Variants in PRELID2 observed in about 807,000 individuals in gnomAD.
PRELID2 encodes PRELI domain-containing protein 2.
PRELID2 carries 25 observed loss-of-function variants against 28.4 expected under a neutral mutation model. That is an observed-to-expected ratio of 0.88 (90% confidence interval 0.64 to 1.23). PRELID2 has a LOEUF of 1.23. Among genes scored for constraint, PRELID2 ranks in the 50% most tolerant of loss-of-function variants. PRELID2 has a pLI of 0.00. For synonymous variants in PRELID2, 76 were observed against 71.6 expected (o/e 1.06, Z -0.31); for missense variants, 201 against 214.4 (o/e 0.94, Z 0.39).
chr5:145,599,493 G>C (rs1253163425), intron 1 of PRELID2, among the ~76,000 whole-genome samples: 1 of 151,982 alleles, frequency 6.6e-6, no homozygotes, highest in Non-Finnish European at 1.5e-5. Context: ...TCCTATCTCG[G>C]CCAATAGCCA....
At chr5:145,510,786 C>G (rs189753257) in intron 1 of PRELID2, among the ~76,000 whole-genome samples, 42 of 152,336 alleles carry the variant, frequency 2.8e-4, no homozygotes, top group Non-Finnish European at 5.0e-4. Context: ...TAAGGAAACT[C>G]TGGGTGTCCT....
At chr5:145,521,107 T>G (rs1408761011) in intron 1 of PRELID2, among the ~76,000 whole-genome samples, 1 of 152,038 alleles carries the variant, frequency 6.6e-6, no homozygotes, top group Admixed American at 6.6e-5. Flanking sequence ...TTCACAGAAA[T>G]TAAAGATGAG....
intron 1 of PRELID2, among the ~76,000 whole-genome samples, chr5:145,508,539 T>C (rs1238228079): frequency 1.3e-5 from 2 of 151,836 alleles, no homozygotes; most frequent in Non-Finnish European, 2.9e-5. Flanking sequence ...TTAAAGTTAG[T>C]ATATTTTATT....
At position 145,684,051 on chromosome 5, in the gene PRELID2, G is replaced by T. The variant is rs113917007; in HGVS notation, n.70+80880C>A. Among the ~76,000 whole-genome samples the T allele has an allele frequency of 1.0e-3, 156 of 152,252 alleles. 2 individuals are homozygous for T. The highest frequency in any genetic ancestry group is 3.7e-3 in the African/African-American group (154 of 41,552). On this transcript the variant is annotated intron_variant and non_coding_transcript_variant, in intron 1 of 2. Transcript: ENST00000510259. ...TAACTTCTACATCCTGCCATGCCTG[G>T]AACCGGACAAATACAGAGATGCTTT...
At chr5:145,754,032 CTG>C (rs1033455173), downstream of PRELID2, 6 of 152,290 alleles carry the variant, frequency 3.9e-5, no homozygotes, top group African/African-American at 1.4e-4. Context: ...CAGGGAAACA[CTG>C]TGCTGATACT....
intron 1 of PRELID2, among the ~76,000 whole-genome samples, chr5:145,569,233 T>C (rs527495197): frequency 6.6e-6 from 1 of 152,332 alleles, no homozygotes; most frequent in African/African-American, 2.4e-5. Context: ...AATGTTCATC[T>C]CATTCTTACA....
chr5:145,524,026 AT>A (rs200279566), intron 1 of PRELID2, among the ~76,000 whole-genome samples: 1 of 152,026 alleles, frequency 6.6e-6, no homozygotes, highest in South Asian at 2.1e-4. Flanking sequence ...TTCTCAAAGG[AT>A]TTTTTTGTTT....
chr5:145,408,524 T>C, the PRELID2 span, among the ~76,000 whole-genome samples: 1 of 149,102 alleles, frequency 6.7e-6, no homozygotes, highest in African/African-American at 2.4e-5. Flanking sequence ...AATAGATATA[T>C]TAAAGAAAAG....
intron 1 of PRELID2, among the ~76,000 whole-genome samples, chr5:145,682,870 C>A (rs577267837): frequency 3.3e-5 from 5 of 152,270 alleles, no homozygotes; most frequent in Non-Finnish European, 7.4e-5. Flanking sequence ...AATCAAGAAG[C>A]TTTTCAACAC....
chr5:145,745,011 A>T (rs1412141479), intron 1 of PRELID2, among the ~76,000 whole-genome samples: 1 of 152,058 alleles, frequency 6.6e-6, no homozygotes, highest in African/African-American at 2.4e-5. Flanking sequence ...TTTAGAAAGG[A>T]ACATAAATGA....
chr5:145,407,241 C>T, the PRELID2 span, among the ~76,000 whole-genome samples: 1 of 152,162 alleles, frequency 6.6e-6, no homozygotes, highest in South Asian at 2.1e-4. Context: ...TGTGCATCAG[C>T]TCTCTGGATA....
chr5:145,251,587 T>A, the PRELID2 span, among the ~76,000 whole-genome samples: 5 of 152,252 alleles, frequency 3.3e-5, 1 homozygote, highest in African/African-American at 1.2e-4. Context: ...CAAGCACAGC[T>A]GTAACATCTC....
chr5:145,477,979 G>T lies in PRELID2; in HGVS notation n.71-4664C>A, dbSNP rs570348553. 3.9e-5 allele frequency among the ~76,000 whole-genome samples: 6 copies of T among 152,226 alleles called. No individual in the cohort carries two copies. In the East Asian group the frequency reaches 1.2e-3, roughly 29 times the overall value. Reference sequence around the variant, plus strand: ...CTATTTCTTACCACTCCTACATTAAGATAGGCTAGTGGTTCACTGAATTTT... The same window carrying T: ...CTATTTCTTACCACTCCTACATTAATATAGGCTAGTGGTTCACTGAATTTT... On this transcript the variant is annotated intron_variant and non_coding_transcript_variant, in intron 1 of 2. Transcript: ENST00000510259.
the PRELID2 span, among the ~76,000 whole-genome samples, chr5:145,311,789 C>G: frequency 1.3e-5 from 2 of 152,202 alleles, no homozygotes; most frequent in African/African-American, 4.8e-5. Context: ...CATGCCTGCC[C>G]TCTAGAAGCT....
the PRELID2 span, among the ~76,000 whole-genome samples, chr5:145,384,432 A>G: frequency 6.6e-6 from 1 of 152,250 alleles, no homozygotes; most frequent in Non-Finnish European, 1.5e-5. Flanking sequence ...AACATAAATG[A>G]ATGATATATA....
At chr5:145,668,875 T>C (rs565969697) in intron 1 of PRELID2, among the ~76,000 whole-genome samples, 325 of 152,278 alleles carry the variant, frequency 2.1e-3, no homozygotes, top group Non-Finnish European at 3.8e-3. Flanking sequence ...TGGAGATGAT[T>C]GATTTGCTTG....
chr5:145,488,619 C>G (rs1183486547), intron 1 of PRELID2, among the ~76,000 whole-genome samples: 1 of 152,160 alleles, frequency 6.6e-6, no homozygotes, highest in Non-Finnish European at 1.5e-5. Context: ...AATAAATTTA[C>G]AATTTGTCCA....
intron 1 of PRELID2, among the ~76,000 whole-genome samples, chr5:145,536,719 T>C (rs1357091581): frequency 6.6e-6 from 1 of 151,856 alleles, no homozygotes; most frequent in Non-Finnish European, 1.5e-5. Context: ...TAATGAAATA[T>C]TGGTTTTAAG....
At chr5:145,606,576 T>A (rs1199766158) in intron 1 of PRELID2, among the ~76,000 whole-genome samples, 1 of 152,200 alleles carries the variant, frequency 6.6e-6, no homozygotes, top group African/African-American at 2.4e-5. Flanking sequence ...TTTCTTGATA[T>A]ACATATTTTG....
Sources: gnomAD v4.1 joint callset for allele counts (sites outside exome capture counted in the v4.1 genomes callset) on GRCh38, gnomAD v4.1.1 for gene constraint, MANE v1.5 for transcripts, NCBI Gene and HGNC (gene_info 2026-07-23, HGNC 2026-07-21) for gene names.